The following SORCS3 variants were observed in gnomAD, a reference collection of about 807,000 sequenced individuals.
SORCS3 encodes the protein VPS10 domain-containing receptor SorCS3.
In SORCS3, 57 loss-of-function variants were observed where a neutral mutation model predicts 146.3. The ratio of observed to expected loss-of-function variants is 0.39; its 90% CI spans 0.31 to 0.49. The LOEUF (loss-of-function observed/expected upper bound fraction) is 0.49, where lower values mean the gene tolerates loss of function less well. SORCS3 is among the 20% of genes least tolerant of loss of function. The pLI is 0.92. For synonymous variants in SORCS3, 653 were observed against 618.5 expected, an observed-to-expected ratio of 1.06 and a Z score of -0.83; for missense variants, 1,341 against 1,575.5, an observed-to-expected ratio of 0.85 and a Z score of 2.52.
intron 11 of SORCS3, among the ~76,000 whole-genome samples, chr10:105,162,001 G>A (rs59080424): frequency 1.3e-5 from 2 of 151,864 alleles, no homozygotes; most frequent in East Asian, 2.0e-4. Flanking sequence ...CCCTCCTCCC[G>A]CCCCTGCCCC....
intron 2 of SORCS3, among the ~76,000 whole-genome samples, chr10:104,906,354 GTAGCT>G (rs773929845): frequency 1.3e-5 from 2 of 152,112 alleles, no homozygotes; most frequent in Non-Finnish European, 2.9e-5. Context: ...GTGTCTTTTG[GTAGCT>G]TACTGCTGAT....
In SORCS3 at chr10:105,089,822, T is replaced by G; in HGVS notation, c.1076T>G (p.Val359Gly). ...DKEADLVHME[V>G]RTTDGYAHYL... is the part of the protein sequence containing the mutation. ...GAGGCGGACCTGGTGCACATGGAGGTGCGGACCACGGATGGATGTGAGTTC... is the reference window on the plus strand; with the variant it reads ...GAGGCGGACCTGGTGCACATGGAGGGGCGGACCACGGATGGATGTGAGTTC... Residue 359 changes from valine (V) to glycine (G), a missense_variant, in exon 6 of 27, where the codon GTG (valine) becomes GGG (glycine). Val to Gly is a moderately radical substitution (Grantham distance 109, BLOSUM62 -3). Transcript: ENST00000369701. The G allele has an allele frequency of 6.2e-7, 1 of 1,613,952 alleles. No homozygotes were observed. Among genetic ancestry groups the G allele is most frequent in the South Asian group, 1.1e-5 (1 of 91,054 alleles).
At chr10:105,131,133 C>A (rs994478802) in intron 7 of SORCS3, among the ~76,000 whole-genome samples, 3 of 152,138 alleles carry the variant, frequency 2.0e-5, no homozygotes, top group African/African-American at 4.8e-5. Flanking sequence ...TAAATATGAT[C>A]TTTGAAGGAA....
intron 1 of SORCS3, among the ~76,000 whole-genome samples, chr10:104,753,673 C>T (rs117818320): frequency 6.6e-6 from 1 of 152,284 alleles, no homozygotes; most frequent in Non-Finnish European, 1.5e-5. Flanking sequence ...TTTTAAAATA[C>T]ACTAACTTTC....
At chr10:104,785,089 C>A (rs993948956) in intron 1 of SORCS3, among the ~76,000 whole-genome samples, 4 of 152,038 alleles carry the variant, frequency 2.6e-5, no homozygotes, top group Non-Finnish European at 5.9e-5. Context: ...GACCCCCCCC[C>A]ACCTCCCTCC....
chr10:105,161,155 A>G (rs982979111), intron 11 of SORCS3, among the ~76,000 whole-genome samples: 4 of 152,034 alleles, frequency 2.6e-5, no homozygotes, highest in Admixed American at 2.6e-4. Flanking sequence ...CTCCCCTTGT[A>G]ATTCTTGAGG....
intron 12 of SORCS3, 101 bp from the exon 13 acceptor site, chr10:105,167,157 G>A: frequency 1.1e-6 from 1 of 903,838 alleles, no homozygotes; most frequent in Non-Finnish European, 1.7e-6. Flanking sequence ...GGAAGGCTCA[G>A]AACCTAGATG....
chr10:105,165,981 A>T (rs538170080), intron 12 of SORCS3, among the ~76,000 whole-genome samples: 6 of 152,204 alleles, frequency 3.9e-5, no homozygotes, highest in African/African-American at 1.4e-4. Flanking sequence ...CAGCATCTCC[A>T]TTATGTGGCT....
At chr10:105,122,392 G>A (rs2055939925) in intron 7 of SORCS3, among the ~76,000 whole-genome samples, 1 of 152,118 alleles carries the variant, frequency 6.6e-6, no homozygotes, top group Admixed American at 6.5e-5. Context: ...ACAGAATAAG[G>A]ACTTCTTGGA....
At chr10:105,243,034 T>TACATATATTTATATATATTTATATATTC (rs2056845749) in intron 20 of SORCS3, among the ~76,000 whole-genome samples, 2 of 136,504 alleles carry the variant, frequency 1.5e-5, no homozygotes, top group Admixed American at 8.3e-5. Context: ...CATATATATT[T>TACATATATTTATATATATTTATATATTC]ACATATATTT....
At chr10:104,974,716 G>A (rs1053029042) in intron 3 of SORCS3, among the ~76,000 whole-genome samples, 1 of 152,118 alleles carries the variant, frequency 6.6e-6, no homozygotes, top group African/African-American at 2.4e-5. Context: ...ATATTGTGAT[G>A]TGTGAATTTG....
intron 1 of SORCS3, among the ~76,000 whole-genome samples, chr10:104,830,935 C>T (rs2017993931): frequency 6.6e-6 from 1 of 152,098 alleles, no homozygotes; most frequent in Non-Finnish European, 1.5e-5. Flanking sequence ...CCTCAGCCTC[C>T]CGAGTAGTTG....
chr10:105,209,001 CATG>C lies in SORCS3; in HGVS notation c.2262-2133_2262-2131del, dbSNP rs376981265. Among the ~76,000 whole-genome samples the C allele has an allele frequency of 1.2e-4, 18 of 152,218 alleles. No individual in the cohort carries two copies. The South Asian group carries it at 2.3e-3, about 19-fold the overall frequency. On this transcript the variant is annotated intron_variant, in intron 16 of 26. Transcript: ENST00000369701. Reference sequence around the variant, plus strand: ...AGTTCCACCTTTCTATGTAGAAATCCATGATTCTTGTCACATTAACTCCACAGG... The same window carrying C: ...AGTTCCACCTTTCTATGTAGAAATCCATTCTTGTCACATTAACTCCACAGG...
At chr10:104,679,381 A>G (rs1379694661) in intron 1 of SORCS3, among the ~76,000 whole-genome samples, 2 of 152,316 alleles carry the variant, frequency 1.3e-5, no homozygotes, top group East Asian at 3.9e-4. Context: ...GTTACTATGA[A>G]TCAGGAATAT....
chr10:104,680,223 G>A (rs77047046), intron 1 of SORCS3, among the ~76,000 whole-genome samples: 2,381 of 152,318 alleles, frequency 0.016, 60 homozygotes, highest in African/African-American at 0.051. Flanking sequence ...AGTCCTAGAT[G>A]AGGCAGCTGC....
At chr10:104,675,759 T>C (rs1589454084) in intron 1 of SORCS3, among the ~76,000 whole-genome samples, 1 of 152,236 alleles carries the variant, frequency 6.6e-6, no homozygotes, top group Non-Finnish European at 1.5e-5. Flanking sequence ...GTCAATACTG[T>C]AGCTTTATAA....
At chr10:105,237,941 C>T (rs1172813849) in intron 20 of SORCS3, among the ~76,000 whole-genome samples, 6 of 152,160 alleles carry the variant, frequency 3.9e-5, no homozygotes, top group Non-Finnish European at 8.8e-5. Context: ...AATCATCCTA[C>T]TGATAAGAGT....
At chr10:105,124,449 G>A (rs1297310940) in intron 7 of SORCS3, among the ~76,000 whole-genome samples, 1 of 152,120 alleles carries the variant, frequency 6.6e-6, no homozygotes, top group African/African-American at 2.4e-5. Context: ...GAAGAAGGAA[G>A]GGCATTGGAA....
chr10:104,749,226 G>GGT (rs60550253), intron 1 of SORCS3, among the ~76,000 whole-genome samples: 11,942 of 140,858 alleles, frequency 0.085, 491 homozygotes, highest in East Asian at 0.12. Flanking sequence ...CAAAGTATAG[G>GGT]GTGTGTGTGT....
Sources: gnomAD v4.1 joint callset for allele counts (sites outside exome capture counted in the v4.1 genomes callset) on GRCh38, gnomAD v4.1.1 for gene constraint, MANE v1.5 for transcripts, NCBI Gene and HGNC (gene_info 2026-07-23, HGNC 2026-07-21) for gene names.